The following GOT2 variants were observed in gnomAD, a reference collection of about 807,000 sequenced individuals.
GOT2 encodes the protein glutamic-oxaloacetic transaminase 2.
GOT2 carries 17 observed loss-of-function variants against 50.0 expected under a neutral mutation model. That is an observed-to-expected ratio of 0.34 (90% CI 0.23 to 0.51). GOT2 has a LOEUF of 0.51. Among genes scored for constraint, GOT2 ranks in the 20% least tolerant of loss-of-function variants. GOT2 has a pLI of 0.97. For synonymous variants in GOT2, 172 were observed against 204.9 expected (o/e 0.84, Z 1.37); for missense variants, 430 against 559.6 (o/e 0.77, Z 2.34).
rs577379881 is a variant in GOT2 at position 58,714,538 on chromosome 16, C to T, written c.1019+1476G>A. On this transcript the variant is annotated intron_variant, in intron 8 of 9. Transcript: ENST00000245206. Reference sequence around the variant, plus strand: ...CTGCACTCCAGCCTGGGCGACAGAGCGAGACTCCGTCTCAAAAAAAAAAAA... The same window carrying T: ...CTGCACTCCAGCCTGGGCGACAGAGTGAGACTCCGTCTCAAAAAAAAAAAA... Among the ~76,000 whole-genome samples, 1,329 of 145,324 alleles carry T rather than the reference C, an allele frequency of 9.1e-3. 18 individuals are homozygous for T. Among genetic ancestry groups the T allele is most frequent in the African/African-American group, 0.032 (1,252 of 39,012 alleles).
Position 58,727,559 on chromosome 16 carries a change from C to T in GOT2, c.90-3657G>A, listed in dbSNP as rs77276547. On this transcript the variant is annotated intron_variant, in intron 1 of 9. Coordinates refer to ENST00000245206, the MANE Select transcript of GOT2 (RefSeq NM_002080.4). ...CACCTGACTAGTACACTGTGGTGATCAGCAGAGATCTGCACGTAATGCAGG... is the reference window on the plus strand; with the variant it reads ...CACCTGACTAGTACACTGTGGTGATTAGCAGAGATCTGCACGTAATGCAGG... 4.1e-3 allele frequency among the ~76,000 whole-genome samples: 625 copies of T among 152,194 alleles called. 5 individuals are homozygous for T. The highest frequency in any genetic ancestry group is 0.014 in the African/African-American group (590 of 41,524).
chr16:58,708,520 G>A (rs114932860), intron 9 of GOT2, among the ~76,000 whole-genome samples: 2,992 of 152,126 alleles, frequency 0.02, 99 homozygotes, highest in African/African-American at 0.068. Flanking sequence ...CAGGAGAATA[G>A]CTGGAACCTG....
chr16:58,711,702 G>A (rs1439794456), intron 8 of GOT2, among the ~76,000 whole-genome samples: 1 of 152,190 alleles, frequency 6.6e-6, no homozygotes, highest in African/African-American at 2.4e-5. Flanking sequence ...CTGGAGCTGA[G>A]GAGCCCCTGG....
At chr16:58,728,251 A>G (rs2044803211) in intron 1 of GOT2, among the ~76,000 whole-genome samples, 1 of 152,158 alleles carries the variant, frequency 6.6e-6, no homozygotes, top group African/African-American at 2.4e-5. Flanking sequence ...AGTACTGGGC[A>G]AACTGTACGG....
intron 1 of GOT2, among the ~76,000 whole-genome samples, chr16:58,733,005 A>T (rs2044848012): frequency 6.6e-6 from 1 of 152,214 alleles, no homozygotes; most frequent in Non-Finnish European, 1.5e-5. Flanking sequence ...GGGGCCTTGG[A>T]AAGGACAGAT....
intron 1 of GOT2, among the ~76,000 whole-genome samples, chr16:58,731,093 CCA>C (rs2152099338): frequency 6.6e-6 from 1 of 152,216 alleles, no homozygotes; most frequent in African/African-American, 2.4e-5. Context: ...ATTAGCTTGC[CCA>C]CAATCACAGA....
intron 3 of GOT2, among the ~76,000 whole-genome samples, chr16:58,719,663 G>A (rs113545425): frequency 2.0e-5 from 3 of 152,292 alleles, no homozygotes; most frequent in African/African-American, 7.2e-5. Flanking sequence ...GCTGAGGCAT[G>A]AGAATTGCTT....
chr16:58,711,518 G>A (rs956458990), intron 8 of GOT2, among the ~76,000 whole-genome samples: 3 of 152,108 alleles, frequency 2.0e-5, no homozygotes, highest in Non-Finnish European at 4.4e-5. Context: ...TGTTATGCAC[G>A]GTTAGAAGAG....
rs764501677 is a variant in GOT2 at position 58,716,068 on chromosome 16, T to C, written c.965A>G (p.Asn322Ser). 6 of 1,613,520 alleles carry C rather than the reference T, an allele frequency of 3.7e-6. No homozygotes were observed. The highest frequency in any genetic ancestry group is 2.2e-5 in the East Asian group (1 of 44,854). ...AATGGCAGCAGCAATCCGGGCCCCA[T>C]TGAGGGGAGGGTTGGAATACATGGG... ...IRPMYSNPPL[N>S]GARIAAAILN... The change falls in exon 8 of 10, where the codon AAT becomes AGT. Residue 322 changes from asparagine (N) to serine (S), a missense_variant. Asn to Ser is a conservative substitution (Grantham distance 46). Coordinates refer to ENST00000245206, the MANE Select transcript of GOT2 (RefSeq NM_002080.4).
intron 8 of GOT2, among the ~76,000 whole-genome samples, chr16:58,713,982 C>T (rs1301362719): frequency 6.6e-6 from 1 of 152,188 alleles, no homozygotes; most frequent in African/African-American, 2.4e-5. Flanking sequence ...ACTCTCAGAA[C>T]AGTTTGCCAA....
Position 58,716,156 on chromosome 16 carries a change from T to C in GOT2, c.877A>G (p.Met293Val), listed in dbSNP as rs923125122. ...LYGERVGAFT[M>V]VCKDADEAKR... The stretch of plus-strand genomic sequence containing the variant: ...GCTTCATCCGCATCTTTGCAGACCA[T>C]AGTGAAGGCTCCTACACGCTCACCT... The change falls in exon 8 of 10, where the codon ATG (methionine) becomes GTG (valine). Residue 293 changes from methionine (M) to valine (V), a missense_variant. By Grantham distance (21) the Met-to-Val change is conservative (BLOSUM62 1). Coordinates refer to ENST00000245206, the MANE Select transcript of GOT2 (RefSeq NM_002080.4). 4.3e-6 allele frequency: 7 copies of C among 1,613,618 alleles called. No individual in the cohort carries two copies. The highest frequency in any genetic ancestry group is 5.1e-6 in the Non-Finnish European group (6 of 1,179,896).
chr16:58,729,059 C>A (rs575933790), intron 1 of GOT2, among the ~76,000 whole-genome samples: 1 of 152,062 alleles, frequency 6.6e-6, no homozygotes, highest in East Asian at 1.9e-4. Context: ...ATCACCCTTC[C>A]CCCTCACTAG....
At chr16:58,729,498 G>GAAAAAAA (rs35946557) in intron 1 of GOT2, among the ~76,000 whole-genome samples, 1 of 94,384 alleles carries the variant, frequency 1.1e-5, no homozygotes, top group Non-Finnish European at 2.4e-5. Flanking sequence ...GTCTCAGGAA[G>GAAAAAAA]AAAAAAAAAA....
rs1396175586 is a variant in GOT2 at position 58,722,029 on chromosome 16, C to CT, written c.375+120dup. On this transcript the variant is annotated intron_variant, in intron 3 of 9. Coordinates refer to ENST00000245206, the MANE Select transcript of GOT2 (RefSeq NM_002080.4). ...TCCCGACCTCAGATGAACCACCCGC[C>CT]TTGGCCTCCCAAAGTGGTGGGATTA... 3.7e-6 allele frequency: 4 copies of CT among 1,080,128 alleles called. No individual in the cohort carries two copies. The Admixed American group carries it at 8.5e-5, about 23-fold the overall frequency. The allele number at this position is 1,080,128 out of a possible 1,614,324, so 66.9% of individuals were successfully genotyped here.
chr16:58,708,500 G>A (rs1392046121), intron 9 of GOT2, among the ~76,000 whole-genome samples: 1 of 152,102 alleles, frequency 6.6e-6, no homozygotes, highest in Non-Finnish European at 1.5e-5. Flanking sequence ...AGCTATTCAG[G>A]AGGCTAAGGC....
At chr16:58,709,663 G>A in intron 8 of GOT2, 96 bp from the exon 9 acceptor site, 1 of 993,056 alleles carries the variant, frequency 1.0e-6, no homozygotes, top group Non-Finnish European at 1.5e-6. Context: ...CAGTCCCCTA[G>A]TGTGCCTCAA....
At chr16:58,718,052 A>G in intron 6 of GOT2, 144 bp downstream of exon 6, 1 of 720,304 alleles carries the variant, frequency 1.4e-6, no homozygotes, top group Non-Finnish European at 2.6e-6. Flanking sequence ...GCAAATGGGG[A>G]GCCCTTTTCT....
intron 6 of GOT2, 48 bp downstream of exon 6, chr16:58,718,148 G>T: frequency 7.7e-7 from 1 of 1,304,314 alleles, no homozygotes; most frequent in Non-Finnish European, 1.1e-6. Flanking sequence ...AGCCTCCAAA[G>T]CTGGTTACTA....
At chr16:58,717,398 G>C (rs1597700431) in intron 6 of GOT2, among the ~76,000 whole-genome samples, 1 of 152,048 alleles carries the variant, frequency 6.6e-6, no homozygotes, top group East Asian at 1.9e-4. Flanking sequence ...AAAAGAGAGA[G>C]AGAGAAAAGA....
Sources: gnomAD v4.1 joint callset for allele counts (sites outside exome capture counted in the v4.1 genomes callset) on GRCh38, gnomAD v4.1.1 for gene constraint, MANE v1.5 for transcripts, NCBI Gene and HGNC (gene_info 2026-07-23, HGNC 2026-07-21) for gene names.